PRC1: variants seen among roughly 807,000 people sequenced by gnomAD.
PRC1 encodes the protein anaphase spindle elongation 1 homolog.
Under a neutral mutation model 91.2 loss-of-function variants are expected in PRC1, and 54 were observed. That is an observed-to-expected ratio of 0.59 (90% CI 0.48 to 0.74). The LOEUF (loss-of-function observed/expected upper bound fraction) is 0.74. Among genes scored for constraint, PRC1 ranks in the 30% least tolerant of loss-of-function variants. PRC1 has a pLI of 0.00. For synonymous variants in PRC1, 275 were observed against 263.6 expected (o/e 1.04, Z -0.42); for missense variants, 727 against 746.2 (o/e 0.97, Z 0.30).
chr15:90,972,636 G>A (rs1464492326), intron 11 of PRC1, among the ~76,000 whole-genome samples: 6 of 152,068 alleles, frequency 3.9e-5, no homozygotes, highest in African/African-American at 1.4e-4. Context: ...CTACTTGGGA[G>A]GCTGAGGCAG....
chr15:90,967,878 G>A (rs775790801), intron 14 of PRC1: 10 of 985,454 alleles, frequency 1.0e-5, no homozygotes, highest in Non-Finnish European at 1.2e-5. Flanking sequence ...AGGTAAGTAG[G>A]CAACAAGCTT....
intron 14 of PRC1, chr15:90,967,870 G>A (rs535107901): frequency 1.1e-4 from 107 of 985,348 alleles, no homozygotes; most frequent in Middle Eastern, 5.2e-4. Context: ...AGTTGTCAAG[G>A]TAAGTAGGCA....
At chr15:90,978,839 GTGGT>G (rs1431700005) in intron 8 of PRC1, among the ~76,000 whole-genome samples, 1 of 149,624 alleles carries the variant, frequency 6.7e-6, no homozygotes, top group Non-Finnish European at 1.5e-5. Flanking sequence ...TCCACCCTTA[GTGGT>G]GGGGGAGCGC....
intron 1 of PRC1, among the ~76,000 whole-genome samples, chr15:90,990,778 C>CTTT (rs545709145): frequency 4.0e-5 from 6 of 148,476 alleles, no homozygotes; most frequent in South Asian, 4.3e-4. Context: ...TTTTTGGTTT[C>CTTT]TTTTTTTTTT....
chr15:90,970,364 G>A, intron 12 of PRC1, 40 bp downstream of exon 12: 1 of 1,437,310 alleles, frequency 7.0e-7, no homozygotes, highest in Non-Finnish European at 9.8e-7. Context: ...ACAGGCTAGG[G>A]ACGCATGTGA....
intron 14 of PRC1, chr15:90,968,125 A>G (rs1355220650): frequency 5.1e-6 from 5 of 985,452 alleles, no homozygotes; most frequent in Non-Finnish European, 4.8e-6. Flanking sequence ...AGACGAACCT[A>G]CCTAGGACTA....
At chr15:90,975,934 G>A (rs1393830575) in intron 9 of PRC1, among the ~76,000 whole-genome samples, 2 of 152,146 alleles carry the variant, frequency 1.3e-5, no homozygotes, top group East Asian at 1.9e-4. Context: ...GTGAACACAC[G>A]GAGAAGACGA....
At chr15:90,967,864 G>C (rs1178185069) in intron 14 of PRC1, 2 of 985,344 alleles carry the variant, frequency 2.0e-6, no homozygotes, top group East Asian at 2.3e-4. Flanking sequence ...CTTTAGAGTT[G>C]TCAAGGTAAG....
rs2039446629 is a variant in PRC1 at position 90,984,579 on chromosome 15, G to A, written c.144+114C>T. The A allele has an allele frequency of 1.4e-6, 2 of 1,442,752 alleles. No homozygotes were observed. 89.4% of individuals were successfully genotyped at this position (1,442,752 alleles called of 1,614,324 possible). A position where few individuals can be genotyped will look rare whatever the true frequency, so the allele number is the denominator to read the frequency against. ...AAAACCAAACCAAACCAAACAGGAA[G>A]AGCCTGTGCTATCCTAATGCCGATG... On this transcript the variant is annotated intron_variant, in intron 2 of 14. Transcript: ENST00000394249. The surrounding 1 kb of genome is among the most constrained non-coding windows in gnomAD (Gnocchi z 5.1).
chr15:90,970,625 C>T lies in PRC1; in HGVS notation c.1462-111G>A, dbSNP rs921749350. ...ATGGGAGGAGGCAGTCTAGGGAAGACGGGTTTACATGGTGAAGGGCCTGCT... is the reference window on the plus strand; with the variant it reads ...ATGGGAGGAGGCAGTCTAGGGAAGATGGGTTTACATGGTGAAGGGCCTGCT... On this transcript the variant is annotated intron_variant, in intron 11 of 14. Transcript: ENST00000394249. The T allele has an allele frequency of 4.4e-5, 33 of 757,618 alleles. No homozygotes were observed. In the Middle Eastern group the frequency reaches 9.6e-4, roughly 22 times the overall value. The allele number at this position is 757,618 out of a possible 1,614,324, so 46.9% of individuals were successfully genotyped here. A position where few individuals can be genotyped will look rare whatever the true frequency, so the allele number is the denominator to read the frequency against.
chr15:90,982,609 T>C (rs2151550931), intron 3 of PRC1: 1 of 153,000 alleles, frequency 6.5e-6, no homozygotes, highest in Middle Eastern at 3.4e-3. Flanking sequence ...TAGCCAGGCA[T>C]GGTGGCGGAC....
At chr15:90,982,218 A>G (rs531400917) in intron 3 of PRC1, 18 of 557,308 alleles carry the variant, frequency 3.2e-5, no homozygotes, top group South Asian at 6.5e-5. Context: ...TAGAACACAT[A>G]TAACATAAAA....
intron 14 of PRC1, chr15:90,968,083 G>C: frequency 6.1e-6 from 6 of 985,420 alleles, no homozygotes; most frequent in South Asian, 4.7e-5. Context: ...GGTGCTGCCT[G>C]GTGGAGTCTA....
chr15:90,966,114 T>C lies in PRC1; in HGVS notation c.*1017A>G, dbSNP rs2037466189. On this transcript the variant is annotated 3_prime_UTR_variant, in exon 15 of 15. Coordinates refer to ENST00000394249, the MANE Select transcript of PRC1 (RefSeq NM_003981.4). ...TATATTTTAAAAACAGGACACGTAC[T>C]GTATGAGTAAACAGCGTGGCTAACA... The C allele has an allele frequency of 6.5e-6, 1 of 154,364 alleles. No individual in the cohort carries two copies. Among genetic ancestry groups the C allele is most frequent in the African/African-American group, 2.4e-5 (1 of 41,484 alleles). 9.6% of individuals were successfully genotyped at this position (154,364 alleles called of 1,614,324 possible).
At chr15:90,976,892 A>C in intron 8 of PRC1, 121 bp from the exon 9 acceptor site, 1 of 747,576 alleles carries the variant, frequency 1.3e-6, no homozygotes, top group Non-Finnish European at 2.2e-6. Flanking sequence ...GCACTTTGGG[A>C]GGCCGAGGCG....
rs1166767794 is a variant in PRC1 at position 90,984,474 on chromosome 15, G to A, written c.144+219C>T. Among the ~76,000 whole-genome samples the A allele has an allele frequency of 6.6e-6, 1 of 151,982 alleles. No homozygotes were observed. Among genetic ancestry groups the A allele is most frequent in the Admixed American group, 6.6e-5 (1 of 15,264 alleles). On this transcript the variant is annotated intron_variant, in intron 2 of 14. Coordinates refer to ENST00000394249, the MANE Select transcript of PRC1 (RefSeq NM_003981.4). This position sits in a 1 kb window ranked among gnomAD's most constrained non-coding sequence, Gnocchi z 5.1. ...GAACTCCTGACCTCAAGCAATCCAT[G>A]CGCCTCGGCCTCCCAAAGTGCTGGG...
At chr15:90,987,920 C>G (rs140365249) in intron 1 of PRC1, 1 of 152,286 alleles carries the variant, frequency 6.6e-6, no homozygotes, top group Non-Finnish European at 1.5e-5. Context: ...TAGAGGTTGC[C>G]CGTCCTTGTT....
rs2039407283 is a variant in PRC1, at chr15:90,984,102, C to T, written c.183G>A (p.Leu61=). 2 of 1,614,166 alleles carry T rather than the reference C, an allele frequency of 1.2e-6. No individual in the cohort carries two copies. The highest frequency in any genetic ancestry group is 1.7e-6 in the Non-Finnish European group (2 of 1,180,022). ...ATATGCTTTTGATGAGTCTTTCCTT[C>T]AGGCTTTCCTCTTCAGCAATCATCA... The part of the protein sequence containing the change: ...LDMMIAEEES[L]KERLIKSISV... The change falls in exon 3 of 15, where the codon CTG becomes CTA. Residue 61 remains leucine (L), a synonymous_variant. Coordinates refer to ENST00000394249, the MANE Select transcript of PRC1 (RefSeq NM_003981.4). This position sits in a 1 kb window ranked among gnomAD's most constrained non-coding sequence, Gnocchi z 5.1.
At chr15:90,990,684 A>C (rs1328425785) in intron 1 of PRC1, among the ~76,000 whole-genome samples, 2 of 152,208 alleles carry the variant, frequency 1.3e-5, no homozygotes, top group Non-Finnish European at 2.9e-5. Context: ...CTGAATTATA[A>C]TATACAATTT....
Sources: gnomAD v4.1 joint callset for allele counts (sites outside exome capture counted in the v4.1 genomes callset) on GRCh38, gnomAD v4.1.1 for gene constraint, Gnocchi (gnomAD v3.1) non-coding constraint, MANE v1.5 for transcripts, NCBI Gene and HGNC (gene_info 2026-07-23, HGNC 2026-07-21) for gene names.